The following MMP14 variants were observed in gnomAD, a reference collection of about 807,000 sequenced individuals.
MMP14 encodes matrix metallopeptidase 14.
In MMP14, 13 loss-of-function variants were observed where a neutral mutation model predicts 64.8. The observed-to-expected ratio is 0.20, with a 90% confidence interval of 0.13 to 0.32. MMP14 has a LOEUF of 0.32. Among genes scored for constraint, MMP14 ranks in the 10% least tolerant of loss-of-function variants. The pLI is 1.00. For missense variants in MMP14, 594 were observed against 783.8 expected, an observed-to-expected ratio of 0.76 and a Z score of 2.89; for synonymous variants, 322 against 315.9, an observed-to-expected ratio of 1.02 and a Z score of -0.20.
At chr14:22,841,291 G>A (rs570933942) in intron 1 of MMP14, among the ~76,000 whole-genome samples, 200 bp from the exon 2 acceptor site, 86 of 152,340 alleles carry the variant, frequency 5.6e-4, no homozygotes, top group Non-Finnish European at 1.1e-3. Context: ...GCCCCGAGGG[G>A]ACAAGCTATA....
intron 1 of MMP14, among the ~76,000 whole-genome samples, chr14:22,839,962 CTTTTTT>C (rs577502772): frequency 2.2e-5 from 2 of 90,806 alleles, no homozygotes. Flanking sequence ...GCTTGTTTTA[CTTTTTT>C]TTTTTTTTTT....
rs1165050010 is a variant in MMP14, at chr14:22,847,558, T to C, written c.*1519T>C. On this transcript the variant is annotated 3_prime_UTR_variant, in exon 10 of 10. Transcript: ENST00000311852. ...TTGTTTGTTTTTTTGTTTTGTTTAA[T>C]GTATATTTTTATTATAATTATTATA... 6.0e-5 allele frequency: 9 copies of C among 151,190 alleles called. No individual in the cohort carries two copies. The highest frequency in any genetic ancestry group is 8.8e-5 in the Non-Finnish European group (6 of 67,880). 9.4% of individuals were successfully genotyped at this position (151,190 alleles called of 1,614,324 possible). A position where few individuals can be genotyped will look rare whatever the true frequency, so the allele number is the denominator to read the frequency against.
Position 22,836,942 on chromosome 14 carries a change from G to T in MMP14, c.108+17G>T, listed in dbSNP as rs750864936. The stretch of plus-strand genomic sequence containing the variant: ...AGCCCCGAAGTAAGTGAGCTTCCCG[G>T]CCCTTCCCGGAGTCGCGCCCGCCGG... On this transcript the variant is annotated intron_variant, in intron 1 of 9. Coordinates refer to ENST00000311852, the MANE Select transcript of MMP14 (RefSeq NM_004995.4). 6.2e-7 allele frequency: 1 copy of T among 1,604,426 alleles called. No individual in the cohort carries two copies. The highest frequency in any genetic ancestry group is 2.2e-5 in the East Asian group (1 of 44,622).
At position 22,838,319 on chromosome 14, in the gene MMP14, C is replaced by G. The variant is rs997706254; in HGVS notation, c.108+1394C>G. 2.0e-5 allele frequency among the ~76,000 whole-genome samples: 3 copies of G among 152,276 alleles called. No individual in the cohort carries two copies. In the East Asian group the frequency reaches 5.8e-4, roughly 29 times the overall value. ...CCAACTTCACTGCCTTACCTTTTTT[C>G]CCTCCCCTGCTTTGCTGGGTCCCCC... On this transcript the variant is annotated intron_variant, in intron 1 of 9. Transcript: ENST00000311852.
chr14:22,844,021 C>A (rs1293695520), intron 6 of MMP14, 151 bp downstream of exon 6: 3 of 1,029,552 alleles, frequency 2.9e-6, no homozygotes, highest in Non-Finnish European at 4.2e-6. Flanking sequence ...CATAGTGAAA[C>A]CCCGTCTCTA....
At chr14:22,837,734 C>T (rs1368693753) in intron 1 of MMP14, among the ~76,000 whole-genome samples, 1 of 152,176 alleles carries the variant, frequency 6.6e-6, no homozygotes, top group Admixed American at 6.5e-5. Flanking sequence ...GGGTCTGGTC[C>T]GGGGTGCCCT....
At chr14:22,841,691 A>C in intron 2 of MMP14, 52 bp downstream of exon 2, 1 of 1,607,714 alleles carries the variant, frequency 6.2e-7, no homozygotes, top group East Asian at 2.2e-5. Flanking sequence ...TGACAATGCC[A>C]GCGCCAGAGA....
chr14:22,843,123 C>A lies in MMP14; in HGVS notation c.689-134C>A. 1 of 978,438 alleles carries A rather than the reference C, an allele frequency of 1.0e-6. No homozygotes were observed. The highest frequency in any genetic ancestry group is 2.6e-5 in the East Asian group (1 of 38,888). 60.6% of individuals were successfully genotyped at this position (978,438 alleles called of 1,614,324 possible). On this transcript the variant is annotated intron_variant, in intron 4 of 9. Transcript: ENST00000311852. This position sits in a 1 kb window ranked among gnomAD's most constrained non-coding sequence, Gnocchi z 4.8. ...CTTAAATACCAGATAAAAAGCTAGA[C>A]CTCAGAATTTGGCCACTTTGGATTG...
chr14:22,845,230 C>A, intron 8 of MMP14, 21 bp from the exon 9 acceptor site: 1 of 1,585,864 alleles, frequency 6.3e-7, no homozygotes. Flanking sequence ...CCGCCACTGC[C>A]CTTCCTTTCC....
intron 1 of MMP14, chr14:22,837,559 G>A: frequency 2.8e-6 from 1 of 359,952 alleles, no homozygotes; most frequent in Non-Finnish European, 5.5e-6. Context: ...CGCGCTGGCC[G>A]CGTTTCCGTA....
At chr14:22,844,990 GGCGCCTCCTGCCCCCAGCACT>G (rs1228462042) in intron 8 of MMP14, among the ~76,000 whole-genome samples, 1 of 152,236 alleles carries the variant, frequency 6.6e-6, no homozygotes, top group African/African-American at 2.4e-5. Flanking sequence ...CTGGTCATTT[GGCGCCTCCTGCCCCCAGCACT>G]GCGCCTCCAC....
chr14:22,845,781 C>T lies in MMP14; in HGVS notation c.1491C>T (p.Tyr497=). Residue 497 remains tyrosine (Y), a synonymous_variant, in exon 10 of 10, where the codon TAC becomes TAT. Coordinates refer to ENST00000311852, the MANE Select transcript of MMP14 (RefSeq NM_004995.4). ...AGAAGCTGAAGGTAGAACCGGGCTACCCCAAGTCAGCCCTGAGGGACTGGA... is the reference window on the plus strand; with the variant it reads ...AGAAGCTGAAGGTAGAACCGGGCTATCCCAAGTCAGCCCTGAGGGACTGGA... ...NNQKLKVEPG[Y]PKSALRDWMG... 2 of 1,614,192 alleles carry T rather than the reference C, an allele frequency of 1.2e-6. No individual in the cohort carries two copies. The highest frequency in any genetic ancestry group is 1.1e-5 in the South Asian group (1 of 91,090).
chr14:22,845,308 C>T lies in MMP14; in HGVS notation c.1359C>T (p.Ile453=). Reference sequence around the variant, plus strand: ...TGGATAGCGAGTACCCCAAGAACATCAAAGTCTGGGAAGGGATCCCTGAGT... The same window carrying T: ...TGGATAGCGAGTACCCCAAGAACATTAAAGTCTGGGAAGGGATCCCTGAGT... ...RAVDSEYPKN[I]KVWEGIPESP... Residue 453 remains isoleucine, a synonymous_variant, in exon 9 of 10, where the codon ATC becomes ATT. Coordinates refer to ENST00000311852, the MANE Select transcript of MMP14 (RefSeq NM_004995.4). 1 of 1,613,448 alleles carries T rather than the reference C, an allele frequency of 6.2e-7. No homozygotes were observed. The highest frequency in any genetic ancestry group is 8.5e-7 in the Non-Finnish European group (1 of 1,179,788).
At position 22,836,892 on chromosome 14, in the gene MMP14, C is replaced by G; in HGVS notation, c.75C>G (p.Leu25=). Residue 25 remains leucine (L), a synonymous_variant, in exon 1 of 10, where the codon CTC becomes CTG. Transcript: ENST00000311852. ...LLTLGTALAS[L]GSAQSSSFSP... is the part of the protein sequence containing the mutation. ...CGCTCGGCACCGCGCTCGCCTCCCT[C>G]GGCTCGGCCCAAAGCAGCAGCTTCA... The G allele has an allele frequency of 6.2e-7, 1 of 1,613,786 alleles. No homozygotes were observed. The highest frequency in any genetic ancestry group is 8.5e-7 in the Non-Finnish European group (1 of 1,179,824).
At chr14:22,841,427 G>C in intron 1 of MMP14, 64 bp from the exon 2 acceptor site, 1 of 1,587,138 alleles carries the variant, frequency 6.3e-7, no homozygotes, top group African/African-American at 1.3e-5. Flanking sequence ...GGGCATTGTC[G>C]GGGAGGTAGA....
At chr14:22,837,727 TCTGGTCCGGGGTGCCCTCACGTCGGGG>T (rs1447270056) in intron 1 of MMP14, among the ~76,000 whole-genome samples, 1 of 151,600 alleles carries the variant, frequency 6.6e-6, no homozygotes, top group African/African-American at 2.4e-5. Flanking sequence ...GGGGAGAGGG[TCTGGTCCGGGGTGCCCTCACGTCGGGG>T]CTGGCTCGGG....
In MMP14 at chr14:22,845,724, C is replaced by T. The variant is rs148273315; in HGVS notation, c.1434C>T (p.Tyr478=). The T allele has an allele frequency of 8.7e-6, 14 of 1,613,900 alleles. No homozygotes were observed. The highest frequency in any genetic ancestry group is 1.2e-5 in the Non-Finnish European group (14 of 1,180,014). ...TCCCTGCAGTCTTCACTTACTTCTA[C>T]AAGGGGAACAAATACTGGAAATTCA... ...MGSDEVFTYF[Y]KGNKYWKFNN... Residue 478 remains tyrosine (Y), a synonymous_variant, in exon 10 of 10, where the codon TAC becomes TAT. Coordinates refer to ENST00000311852, the MANE Select transcript of MMP14 (RefSeq NM_004995.4).
chr14:22,842,737 G>A lies in MMP14; in HGVS notation c.688+20G>A, dbSNP rs17884962. 18,183 of 1,566,908 alleles carry A rather than the reference G, an allele frequency of 0.012. 133 individuals are homozygous for A. Among genetic ancestry groups the A allele is most frequent in the Middle Eastern group, 0.027 (156 of 5,840 alleles). ...TGAATGGTGAGCCAAGTATCCCTGG[G>A]ACTTACTCTGGAAAAAGCCAACAGT... On this transcript the variant is annotated intron_variant, in intron 4 of 9. Coordinates refer to ENST00000311852, the MANE Select transcript of MMP14 (RefSeq NM_004995.4). The surrounding 1 kb of genome is among the most constrained non-coding windows in gnomAD (Gnocchi z 5.3).
rs545670824 is a variant in MMP14 at position 22,845,877 on chromosome 14, G to A, written c.1587G>A (p.Val529=). The change falls in exon 10 of 10, where the codon GTG becomes GTA. Residue 529 remains valine (V), a synonymous_variant. Coordinates refer to ENST00000311852, the MANE Select transcript of MMP14 (RefSeq NM_004995.4). Reference sequence around the variant, plus strand: ...AGACGGAGGTGATCATCATTGAGGTGGACGAGGAGGGCGGCGGGGCGGTGA... The same window carrying A: ...AGACGGAGGTGATCATCATTGAGGTAGACGAGGAGGGCGGCGGGGCGGTGA... ...EEETEVIIIE[V]DEEGGGAVSA... 4 of 1,614,008 alleles carry A rather than the reference G, an allele frequency of 2.5e-6. No homozygotes were observed. In the South Asian group the frequency reaches 3.3e-5, roughly 13 times the overall value.
Sources: allele counts gnomAD v4.1 joint callset (sites outside exome capture counted in the v4.1 genomes callset), GRCh38; gene constraint gnomAD v4.1.1; non-coding constraint Gnocchi (gnomAD v3.1); transcripts MANE v1.5; gene names NCBI Gene and HGNC (gene_info 2026-07-23, HGNC 2026-07-21).